DNAH3: variants seen among roughly 807,000 people sequenced by gnomAD.
The protein encoded by DNAH3 is axonemal beta dynein heavy chain 3.
Under a neutral mutation model 432.5 loss-of-function variants are expected in DNAH3, and 332 were observed. The observed-to-expected ratio is 0.77, with a 90% confidence interval of 0.70 to 0.84. The LOEUF (loss-of-function observed/expected upper bound fraction) is 0.84. DNAH3 is among the 40% of genes least tolerant of loss of function. DNAH3 has a pLI of 0.00. For missense variants in DNAH3, 4,861 were observed against 5,114.0 expected (o/e 0.95, Z 1.51); for synonymous variants, 1,956 against 1,900.2 (o/e 1.03, Z -0.76).
chr16:21,047,756 T>G (rs1271843767), intron 31 of DNAH3, among the ~76,000 whole-genome samples: 8 of 151,654 alleles, frequency 5.3e-5, no homozygotes, highest in African/African-American at 1.9e-4. Context: ...GGTGCTCTGC[T>G]TTTTAGAGTT....
chr16:20,964,700 C>T, exon 53 of DNAH3: 2 of 1,614,140 alleles, frequency 1.2e-6, no homozygotes, highest in Non-Finnish European at 1.7e-6. Flanking sequence ...GAGAAGGAGT[C>T]AACGGGAAGC....
chr16:20,947,799 G>A (rs2084118321), intron 57 of DNAH3, among the ~76,000 whole-genome samples: 2 of 151,550 alleles, frequency 1.3e-5, no homozygotes, highest in South Asian at 4.2e-4. Context: ...TTGTTTTTTT[G>A]AGACAGTTTC....
intron 53 of DNAH3, among the ~76,000 whole-genome samples, chr16:20,960,457 G>A (rs190001185): frequency 2.0e-5 from 3 of 152,316 alleles, no homozygotes; most frequent in Admixed American, 1.3e-4. Context: ...AGGCCGAGAC[G>A]AGCGGATCAC....
intron 24 of DNAH3, among the ~76,000 whole-genome samples, chr16:21,065,533 G>A (rs2090514234): frequency 6.6e-6 from 1 of 152,138 alleles, no homozygotes; most frequent in African/African-American, 2.4e-5. Flanking sequence ...GGTGTTTCCT[G>A]AGTTTAATCT....
At chr16:20,988,587 G>C (rs2086342188) in intron 44 of DNAH3, among the ~76,000 whole-genome samples, 1 of 152,140 alleles carries the variant, frequency 6.6e-6, no homozygotes, top group Admixed American at 6.6e-5. Context: ...TTGCAGGCAT[G>C]AGACACCGCG....
intron 31 of DNAH3, among the ~76,000 whole-genome samples, chr16:21,049,344 T>C (rs2089857141): frequency 1.3e-5 from 2 of 152,198 alleles, no homozygotes; most frequent in Non-Finnish European, 2.9e-5. Context: ...GTAGCTACTA[T>C]GGGCAAGTGA....
intron 31 of DNAH3, among the ~76,000 whole-genome samples, chr16:21,048,048 T>G (rs1471808299): frequency 6.6e-6 from 1 of 152,208 alleles, no homozygotes; most frequent in African/African-American, 2.4e-5. Context: ...GATCTCCAGC[T>G]GCTTGCTGTG....
At chr16:21,006,548 T>C (rs900146906) in intron 41 of DNAH3, among the ~76,000 whole-genome samples, 2 of 152,194 alleles carry the variant, frequency 1.3e-5, no homozygotes, top group African/African-American at 4.8e-5. Context: ...ACCTGCCAAA[T>C]CCCTCTCCCA....
At chr16:21,038,467 G>A (rs1192055213) in intron 33 of DNAH3, among the ~76,000 whole-genome samples, 1 of 152,188 alleles carries the variant, frequency 6.6e-6, no homozygotes, top group Non-Finnish European at 1.5e-5. Context: ...GCAGTGAGCT[G>A]TGATTGCATC....
intron 52 of DNAH3, among the ~76,000 whole-genome samples, chr16:20,966,572 C>T (rs1468110003): frequency 6.6e-6 from 1 of 152,176 alleles, no homozygotes; most frequent in African/African-American, 2.4e-5. Context: ...CTACCATCTA[C>T]CTTTCCCTCA....
At chr16:21,068,305 G>C (rs532755022) in intron 23 of DNAH3, among the ~76,000 whole-genome samples, 1 of 127,362 alleles carries the variant, frequency 7.9e-6, no homozygotes, top group Non-Finnish European at 1.6e-5. Context: ...ATAACTATTT[G>C]TATATTACTT....
intron 49 of DNAH3, among the ~76,000 whole-genome samples, chr16:20,980,695 A>T (rs1016120163): frequency 7.2e-5 from 11 of 152,146 alleles, no homozygotes; most frequent in Admixed American, 5.9e-4. Context: ...GCCAATTTTT[A>T]AAAATGCATA....
At chr16:21,120,852 C>A in exon 11 of DNAH3, 1 of 1,609,862 alleles carries the variant, frequency 6.2e-7, no homozygotes, top group Non-Finnish European at 8.5e-7. Flanking sequence ...GTATGTATTT[C>A]AGCTGTCCCC....
intron 31 of DNAH3, among the ~76,000 whole-genome samples, chr16:21,047,468 C>T (rs1597235070): frequency 6.6e-6 from 1 of 152,158 alleles, no homozygotes; most frequent in East Asian, 1.9e-4. Flanking sequence ...TTGATCGCAC[C>T]GGCTCCTGAG....
chr16:21,117,107 G>C, intron 12 of DNAH3, 96 bp downstream of exon 12: 1 of 757,128 alleles, frequency 1.3e-6, no homozygotes. Context: ...ATGTGTTCAG[G>C]TGTTTGGGAA....
At chr16:21,074,883 C>G (rs942340522) in intron 21 of DNAH3, among the ~76,000 whole-genome samples, 1 of 152,164 alleles carries the variant, frequency 6.6e-6, no homozygotes, top group Non-Finnish European at 1.5e-5. Flanking sequence ...GGGTGTGTAG[C>G]ACCTTCGCAT....
At chr16:21,100,362 T>C (rs1265556401) in intron 16 of DNAH3, among the ~76,000 whole-genome samples, 2 of 152,168 alleles carry the variant, frequency 1.3e-5, no homozygotes, top group South Asian at 2.1e-4. Context: ...ATGAGCCACA[T>C]ATTCCGGCCT....
chr16:21,067,781 G>A (rs2090619317), intron 23 of DNAH3, among the ~76,000 whole-genome samples: 1 of 133,212 alleles, frequency 7.5e-6, no homozygotes, highest in Admixed American at 7.7e-5. Flanking sequence ...GGGAGGGAGA[G>A]AGAGAGAGAG....
At chr16:21,013,550 G>A (rs549674434) in intron 41 of DNAH3, among the ~76,000 whole-genome samples, 10 of 151,800 alleles carry the variant, frequency 6.6e-5, no homozygotes, top group South Asian at 2.1e-4. Flanking sequence ...GAGAAACCCC[G>A]TCTCTACCAA....
Sources: allele counts gnomAD v4.1 joint callset (sites outside exome capture counted in the v4.1 genomes callset), GRCh38; gene constraint gnomAD v4.1.1; transcripts MANE v1.5; gene names NCBI Gene and HGNC (gene_info 2026-07-23, HGNC 2026-07-21).